The following RNF126 variants were observed in gnomAD, a reference collection of about 807,000 sequenced individuals.
The protein encoded by RNF126 is E3 ubiquitin-protein ligase RNF126.
In RNF126, 20 loss-of-function variants were observed where a neutral mutation model predicts 41.9. The observed-to-expected ratio is 0.48, with a 90% CI of 0.34 to 0.69. RNF126 has a LOEUF of 0.69. Ranked by LOEUF, RNF126 falls within the 30% of genes least tolerant of loss-of-function variation. The probability of loss-of-function intolerance (pLI) is 0.01; values close to 1 mark genes in which losing one functional copy is unlikely to be tolerated. For synonymous variants in RNF126, 239 were observed against 202.9 expected (o/e 1.18, Z -1.51); for missense variants, 433 against 460.6 (o/e 0.94, Z 0.55).
At chr19:654,418 G>A (rs1204990211) in intron 1 of RNF126, among the ~76,000 whole-genome samples, 5 of 152,054 alleles carry the variant, frequency 3.3e-5, no homozygotes, top group South Asian at 2.1e-4. Flanking sequence ...CGAGGCGGGC[G>A]GATCATCTGA....
At position 663,110 on chromosome 19, in the gene RNF126, C is replaced by T; in HGVS notation, c.12G>A (p.Ala4=). 7.5e-7 allele frequency: 1 copy of T among 1,326,798 alleles called. No individual in the cohort carries two copies. Among genetic ancestry groups the T allele is most frequent in the South Asian group, 1.8e-5 (1 of 55,436 alleles). The allele number at this position is 1,326,798 out of a possible 1,614,324, so 82.2% of individuals were successfully genotyped here. A position where few individuals can be genotyped will look rare whatever the true frequency, so the allele number is the denominator to read the frequency against. The change falls in exon 1 of 9, where the codon GCG becomes GCA. Residue 4 remains alanine (A), a synonymous_variant. Transcript: ENST00000292363. MAE[A]SPHPGRYFCH... Reference sequence around the variant, plus strand: ...AGAAGTACCGTCCGGGATGCGGCGACGCCTCGGCCATGGCCGCCGCCACCT... The same window carrying T: ...AGAAGTACCGTCCGGGATGCGGCGATGCCTCGGCCATGGCCGCCGCCACCT...
intron 6 of RNF126, chr19:649,253 C>T (rs1028343775): frequency 2.6e-5 from 8 of 310,338 alleles, no homozygotes; most frequent in Admixed American, 2.1e-4. Flanking sequence ...AGTGCCCTGA[C>T]GGCGGAATGG....
chr19:655,544 G>A (rs779878961), intron 1 of RNF126, among the ~76,000 whole-genome samples: 27 of 151,936 alleles, frequency 1.8e-4, no homozygotes, highest in Non-Finnish European at 3.1e-4. Flanking sequence ...CCAAAAACAC[G>A]CTGGGTAAAC....
Position 659,415 on chromosome 19 carries a change from CCACTTGGGGA to C in RNF126, c.75+3622_75+3631del, listed in dbSNP as rs2030700365. The stretch of plus-strand genomic sequence containing the variant: ...CAGCACCCCCACCGTCCTCTCACCG[CCACTTGGGGA>C]CACTGCGGAGGTTGCAGGCGTTCGG... On this transcript the variant is annotated intron_variant, in intron 1 of 8. Coordinates refer to ENST00000292363, the MANE Select transcript of RNF126 (RefSeq NM_194460.3). The surrounding 1 kb of genome is among the most constrained non-coding windows in gnomAD (Gnocchi z 4.9). Among the ~76,000 whole-genome samples, 1 of 152,178 alleles carries C rather than the reference CCACTTGGGGA, an allele frequency of 6.6e-6. No homozygotes were observed. Among genetic ancestry groups the C allele is most frequent in the Non-Finnish European group, 1.5e-5 (1 of 68,020 alleles).
intron 1 of RNF126, among the ~76,000 whole-genome samples, chr19:660,766 TG>T (rs1208085636): frequency 2.0e-5 from 3 of 152,188 alleles, no homozygotes. Context: ...CGCCAGTAGC[TG>T]GGACTCCAGG....
intron 2 of RNF126, 143 bp downstream of exon 2, chr19:652,683 C>G: frequency 1.3e-6 from 1 of 749,718 alleles, no homozygotes; most frequent in South Asian, 1.6e-5. Flanking sequence ...GCTGTCTGCA[C>G]AGAGAAAAGT....
intron 1 of RNF126, among the ~76,000 whole-genome samples, chr19:653,658 G>A (rs112092300): frequency 1.3e-5 from 2 of 152,208 alleles, no homozygotes; most frequent in Admixed American, 6.5e-5. Flanking sequence ...CATTCGTGGG[G>A]CCTGGGCTGA....
At chr19:650,560 G>T in intron 4 of RNF126, 6 of 243,626 alleles carry the variant, frequency 2.5e-5, no homozygotes, top group East Asian at 8.0e-5. Flanking sequence ...TGGGACCACA[G>T]AAGAGGTCCA....
At chr19:657,996 C>G (rs1273997219) in intron 1 of RNF126, among the ~76,000 whole-genome samples, 1 of 152,008 alleles carries the variant, frequency 6.6e-6, no homozygotes, top group Non-Finnish European at 1.5e-5. Context: ...AGGAGCTGCC[C>G]CACCTTCTCC....
Position 663,146 on chromosome 19 carries a change from G to T in RNF126, c.-25C>A. On this transcript the variant is annotated 5_prime_UTR_variant, in exon 1 of 9. Coordinates refer to ENST00000292363, the MANE Select transcript of RNF126 (RefSeq NM_194460.3). ...TGGCCGCCGCCACCTACTCCGCGCC[G>T]CCCGCCCCCCGCGCGGCACCCGCCG... 8.6e-7 allele frequency: 1 copy of T among 1,156,732 alleles called. No individual in the cohort carries two copies. Among genetic ancestry groups the T allele is most frequent in the Non-Finnish European group, 1.1e-6 (1 of 930,902 alleles). The allele number at this position is 1,156,732 out of a possible 1,614,324, so 71.7% of individuals were successfully genotyped here.
rs2030702833 is a variant in RNF126 at position 659,460 on chromosome 19, GT to G, written c.75+3586del. On this transcript the variant is annotated intron_variant, in intron 1 of 8. Coordinates refer to ENST00000292363, the MANE Select transcript of RNF126 (RefSeq NM_194460.3). The surrounding 1 kb of genome is among the most constrained non-coding windows in gnomAD (Gnocchi z 4.9). The stretch of plus-strand genomic sequence containing the variant: ...GGTTGCAGGCGTTCGGGGGTGGGGG[GT>G]CGGCAGGCAGAGCTGGAACCACCCT... Among the ~76,000 whole-genome samples, 1 of 152,162 alleles carries G rather than the reference GT, an allele frequency of 6.6e-6. No homozygotes were observed. The highest frequency in any genetic ancestry group is 1.5e-5 in the Non-Finnish European group (1 of 68,014).
At chr19:652,980 CT>C (rs2030395281) in intron 1 of RNF126, 96 bp from the exon 2 acceptor site, 1 of 1,206,138 alleles carries the variant, frequency 8.3e-7, no homozygotes, top group Non-Finnish European at 1.2e-6. Context: ...ACCCAGCGGT[CT>C]CTGGCTGGCC....
chr19:658,286 C>T (rs73503987), intron 1 of RNF126, among the ~76,000 whole-genome samples: 1 of 152,048 alleles, frequency 6.6e-6, no homozygotes, highest in African/African-American at 2.4e-5. Flanking sequence ...CTGCACGGGG[C>T]GCATGTCCTG....
At chr19:654,679 A>G (rs1346688051) in intron 1 of RNF126, among the ~76,000 whole-genome samples, 2 of 96,682 alleles carry the variant, frequency 2.1e-5, no homozygotes, top group African/African-American at 8.2e-5. Flanking sequence ...AAAAAAAAAA[A>G]GTGCTGGCCG....
intron 1 of RNF126, among the ~76,000 whole-genome samples, chr19:658,505 T>C (rs960905222): frequency 1.3e-5 from 2 of 152,116 alleles, no homozygotes; most frequent in African/African-American, 4.8e-5. Context: ...TGCTGGCTAC[T>C]GTTTTCCTAA....
At chr19:658,286 C>A (rs73503987) in intron 1 of RNF126, among the ~76,000 whole-genome samples, 3,265 of 152,160 alleles carry the variant, frequency 0.021, 124 homozygotes, top group African/African-American at 0.075. Context: ...CTGCACGGGG[C>A]GCATGTCCTG....
intron 1 of RNF126, 57 bp from the exon 2 acceptor site, chr19:652,941 C>A (rs1805848214): frequency 1.3e-6 from 2 of 1,535,080 alleles, no homozygotes; most frequent in Non-Finnish European, 9.0e-7. Context: ...CTGCAAACCC[C>A]CCCAAGTGTG....
Position 648,362 on chromosome 19 carries a change from G to GA in RNF126, c.786+9_786+10insT. The GA allele has an allele frequency of 1.5e-6, 1 of 680,502 alleles. No individual in the cohort carries two copies. Among genetic ancestry groups the GA allele is most frequent in the Non-Finnish European group, 2.3e-6 (1 of 426,844 alleles). The allele number at this position is 680,502 out of a possible 1,614,324, so 42.2% of individuals were successfully genotyped here. On this transcript the variant is annotated intron_variant, in intron 8 of 8. Transcript: ENST00000292363. The stretch of plus-strand genomic sequence containing the variant: ...GTCGGGGTGGGGGGGCGGGTGGGCG[G>GA]GGCACTCACCTGCTCCAGCCAGGGC...
chr19:651,532 A>C, intron 4 of RNF126, 79 bp downstream of exon 4: 8 of 1,322,128 alleles, frequency 6.1e-6, no homozygotes, highest in Non-Finnish European at 7.8e-6. Flanking sequence ...TTTCCGTGGA[A>C]CCCGTGCTGG....
Sources: allele counts gnomAD v4.1 joint callset (sites outside exome capture counted in the v4.1 genomes callset), GRCh38; gene constraint gnomAD v4.1.1; non-coding constraint Gnocchi (gnomAD v3.1); transcripts MANE v1.5; gene names NCBI Gene and HGNC (gene_info 2026-07-23, HGNC 2026-07-21).